CD96: variants seen among roughly 807,000 people sequenced by gnomAD.
CD96 encodes the protein T-cell surface protein tactile.
In CD96, 70 loss-of-function variants were observed where a neutral mutation model predicts 71.3. The observed-to-expected ratio is 0.98, with a 90% confidence interval of 0.81 to 1.20. The LOEUF (loss-of-function observed/expected upper bound fraction) is 1.20. CD96 is among the 50% of genes most tolerant of loss of function. The pLI, the probability that CD96 is intolerant of heterozygous loss-of-function variation, is 0.00. For synonymous variants in CD96, 248 were observed against 233.0 expected (o/e 1.06, Z -0.59); for missense variants, 742 against 677.5 (o/e 1.10, Z -1.06).
downstream of CD96, among the ~76,000 whole-genome samples, chr3:111,655,215 A>C (rs868246090): frequency 2.6e-5 from 4 of 152,184 alleles, no homozygotes; most frequent in African/African-American, 9.7e-5. Context: ...CACAGTAATA[A>C]ATAAGAATTG....
chr3:111,554,208 C>T (rs1934869760), intron 2 of CD96, among the ~76,000 whole-genome samples: 1 of 151,670 alleles, frequency 6.6e-6, no homozygotes, highest in Non-Finnish European at 1.5e-5. Context: ...ACTTTTTTTC[C>T]CTTCTGTGAT....
At chr3:111,579,503 T>A in intron 4 of CD96, 1 of 496,010 alleles carries the variant, frequency 2.0e-6, no homozygotes. Flanking sequence ...ATGAAATACC[T>A]GAAACTGAGT....
At chr3:111,615,708 A>C (rs1938197477) in intron 8 of CD96, among the ~76,000 whole-genome samples, 1 of 152,236 alleles carries the variant, frequency 6.6e-6, no homozygotes, top group Non-Finnish European at 1.5e-5. Flanking sequence ...TGATGTAAAC[A>C]AAACCAGGCT....
intron 3 of CD96, chr3:111,577,411 C>T: frequency 2.3e-6 from 2 of 888,012 alleles, no homozygotes; most frequent in African/African-American, 1.6e-5. Flanking sequence ...ACTTTCTTCT[C>T]CTGTCCCCAC....
Position 111,600,860 on chromosome 3 carries a change from G to T in CD96, c.1033G>T (p.Val345Phe). 1 of 1,613,456 alleles carries T rather than the reference G, an allele frequency of 6.2e-7. No homozygotes were observed. The highest frequency in any genetic ancestry group is 8.5e-7 in the Non-Finnish European group (1 of 1,179,422). Reference sequence around the variant, plus strand: ...CATTTGGTGTATGGCTCTGTCTCCAGTCCCAGGAAATAAAGTGTGGAACAT... The same window carrying T: ...CATTTGGTGTATGGCTCTGTCTCCATTCCCAGGAAATAAAGTGTGGAACAT... ...LTIWCMALSP[V>F]PGNKVWNISS... Residue 345 changes from valine to phenylalanine, a missense_variant, in exon 7 of 14, where the codon GTC (valine) becomes TTC (phenylalanine). Physicochemically the swap from Val to Phe is conservative, Grantham distance 50. Coordinates refer to ENST00000352690, the MANE Select transcript of CD96 (RefSeq NM_005816.5).
At chr3:111,546,420 C>G (rs960126871) in intron 2 of CD96, among the ~76,000 whole-genome samples, 2 of 152,126 alleles carry the variant, frequency 1.3e-5, no homozygotes, top group Non-Finnish European at 2.9e-5. Flanking sequence ...CTTTGGAGGC[C>G]TGCATTTAGA....
chr3:111,641,441 A>ATCCT, intron 12 of CD96, among the ~76,000 whole-genome samples: 2 of 152,338 alleles, frequency 1.3e-5, no homozygotes, highest in Admixed American at 1.3e-4. Context: ...TCTAACAGGA[A>ATCCT]AATATCACAA....
intron 13 of CD96, 111 bp downstream of exon 13, chr3:111,647,777 A>C (rs1389211462): frequency 1.2e-6 from 1 of 811,590 alleles, no homozygotes; most frequent in Non-Finnish European, 2.0e-6. Flanking sequence ...TAATGGGGAA[A>C]TAATGCTCAC....
intron 5 of CD96, among the ~76,000 whole-genome samples, chr3:111,590,304 A>G (rs1273455401): frequency 6.6e-6 from 1 of 152,188 alleles, no homozygotes; most frequent in African/African-American, 2.4e-5. Context: ...AATACCTACC[A>G]TCCAGCAACC....
intron 13 of CD96, 37 bp downstream of exon 13, chr3:111,647,703 T>C (rs1334933350): frequency 6.8e-7 from 1 of 1,468,180 alleles, no homozygotes; most frequent in Non-Finnish European, 9.5e-7. Flanking sequence ...AACAGATTAA[T>C]TTTTCATTAT....
Position 111,585,359 on chromosome 3 carries a change from C to G in CD96, c.788C>G (p.Ser263Cys), listed in dbSNP as rs776741463. Residue 263 changes from serine to cysteine, a missense_variant, in exon 5 of 14, where the codon TCC becomes TGC. By Grantham distance (112) the Ser-to-Cys change is moderately radical. Transcript: ENST00000352690. ...ATCCCTGTGATTGTGGAAAATAACT[C>G]CACGGATGTCTTGGTAGAGGTGAGT... Reference protein sequence around the residue: ...PEIPVIVENNSTDVLVERRFT... With the variant: ...PEIPVIVENNCTDVLVERRFT... The G allele has an allele frequency of 7.5e-6, 12 of 1,608,998 alleles. No individual in the cohort carries two copies. In the South Asian group the frequency reaches 1.3e-4, roughly 18 times the overall value.
At chr3:111,591,579 G>C (rs1303236231) in intron 5 of CD96, among the ~76,000 whole-genome samples, 1 of 152,010 alleles carries the variant, frequency 6.6e-6, no homozygotes, top group East Asian at 1.9e-4. Flanking sequence ...AAATAATTAG[G>C]TATTACAGCC....
At chr3:111,663,013 G>A (rs935141654) in intron 14 of CD96, among the ~76,000 whole-genome samples, 11 of 152,178 alleles carry the variant, frequency 7.2e-5, no homozygotes, top group African/African-American at 2.4e-4. Context: ...GGAGAAAAGA[G>A]GTTTAACTGA....
At chr3:111,570,784 C>T (rs1326635453) in intron 3 of CD96, 58 of 1,613,540 alleles carry the variant, frequency 3.6e-5, no homozygotes, top group African/African-American at 5.3e-5. Flanking sequence ...TCCAGGGAAA[C>T]GTCTTCCAAA....
Position 111,567,538 on chromosome 3 carries a change from G to A in CD96, c.434G>A (p.Trp145Ter). ...LIQTHVTADE[W>*]NSNHTIEIEI... is the part of the protein sequence containing the mutation. ...TTTGTTACAGTTACAGCAGATGAAT[G>A]GAACAGCAACCATACGATAGAAATA... The change falls in exon 3 of 14, where the codon TGG becomes TAG. Residue 145 changes from tryptophan (W) to a stop codon, truncating the protein, a stop_gained. Coordinates refer to ENST00000352690, the MANE Select transcript of CD96 (RefSeq NM_005816.5). LOFTEE classifies it high-confidence loss of function. The A allele has an allele frequency of 6.2e-7, 1 of 1,605,030 alleles. No individual in the cohort carries two copies. Among genetic ancestry groups the A allele is most frequent in the Non-Finnish European group, 8.5e-7 (1 of 1,171,938 alleles).
Position 111,567,593 on chromosome 3 carries a change from C to T in CD96, c.489C>T (p.Cys163=). ...TAAATCAGACTCTGGAAATACCATG[C>T]TTTCAAAATAGCTCCTCAAAAATTT... ...IEINQTLEIP[C]FQNSSSKISS... is the part of the protein sequence containing the mutation. Residue 163 remains cysteine (C), a synonymous_variant, in exon 3 of 14, where the codon TGC becomes TGT. Coordinates refer to ENST00000352690, the MANE Select transcript of CD96 (RefSeq NM_005816.5). 6.2e-7 allele frequency: 1 copy of T among 1,610,796 alleles called. No individual in the cohort carries two copies. Among genetic ancestry groups the T allele is most frequent in the Non-Finnish European group, 8.5e-7 (1 of 1,176,984 alleles).
chr3:111,556,321 A>T (rs932542574), intron 2 of CD96, among the ~76,000 whole-genome samples: 26 of 145,506 alleles, frequency 1.8e-4, no homozygotes, highest in African/African-American at 6.6e-4. Context: ...GTCATCTAGC[A>T]TTAGGTATAT....
At chr3:111,606,967 C>A in intron 8 of CD96, 175 bp downstream of exon 8, 1 of 666,646 alleles carries the variant, frequency 1.5e-6, no homozygotes, top group Non-Finnish European at 2.7e-6. Flanking sequence ...CATTAACTTG[C>A]CCATTTAAAA....
intron 10 of CD96, among the ~76,000 whole-genome samples, chr3:111,630,525 T>C (rs1449015907): frequency 6.6e-6 from 1 of 151,968 alleles, no homozygotes; most frequent in Non-Finnish European, 1.5e-5. Context: ...AATAGCCTAC[T>C]AACCAAAAAA....
Sources: allele counts gnomAD v4.1 joint callset (sites outside exome capture counted in the v4.1 genomes callset), GRCh38; gene constraint gnomAD v4.1.1; transcripts MANE v1.5; gene names NCBI Gene and HGNC (gene_info 2026-07-23, HGNC 2026-07-21).